The following CD53 variants were observed in gnomAD, a reference collection of about 807,000 sequenced individuals.
CD53 encodes leukocyte surface antigen CD53.
Under a neutral mutation model 27.3 loss-of-function variants are expected in CD53, and 20 were observed. That is an observed-to-expected ratio of 0.73 (90% CI 0.52 to 1.07). The LOEUF is 1.07. Among genes scored for constraint, CD53 ranks in the 50% least tolerant of loss-of-function variants. The pLI, the probability that CD53 is intolerant of heterozygous loss-of-function variation, is 0.00. For missense variants in CD53, 216 were observed against 264.0 expected (o/e 0.82, Z 1.26); for synonymous variants, 106 against 105.3 (o/e 1.01, Z -0.04).
intron 1 of CD53, among the ~76,000 whole-genome samples, chr1:110,879,394 C>T (rs888764872): frequency 6.6e-6 from 1 of 152,224 alleles, no homozygotes; most frequent in African/African-American, 2.4e-5. Context: ...CTAGACCTGT[C>T]TGATTCCAAA....
intron 5 of CD53, among the ~76,000 whole-genome samples, chr1:110,895,354 A>G (rs542848515): frequency 9.2e-5 from 14 of 152,280 alleles, no homozygotes; most frequent in African/African-American, 3.4e-4. Context: ...ATTTTCCAAA[A>G]TTTTACTGAA....
chr1:110,890,374 C>G, intron 1 of CD53, among the ~76,000 whole-genome samples: 1 of 152,146 alleles, frequency 6.6e-6, no homozygotes, highest in East Asian at 1.9e-4. Flanking sequence ...TGAGGCCAGA[C>G]TAGGCAACAT....
chr1:110,878,664 A>G (rs1267285630), intron 1 of CD53, among the ~76,000 whole-genome samples: 3 of 152,160 alleles, frequency 2.0e-5, no homozygotes, highest in Non-Finnish European at 4.4e-5. Flanking sequence ...TTCTAATAAT[A>G]TATATTCTCA....
chr1:110,877,165 C>G (rs969083592), intron 1 of CD53, among the ~76,000 whole-genome samples: 8 of 152,176 alleles, frequency 5.3e-5, no homozygotes, highest in Non-Finnish European at 1.2e-4. Context: ...TGGAACACTT[C>G]CTGAATTTTT....
At chr1:110,890,596 A>C (rs1227772007) in intron 1 of CD53, among the ~76,000 whole-genome samples, 2 of 150,822 alleles carry the variant, frequency 1.3e-5, no homozygotes, top group African/African-American at 5.0e-5. Context: ...AAAGAGAAAG[A>C]GAAAGGAAAG....
chr1:110,898,380 A>G (rs996997552), intron 7 of CD53, among the ~76,000 whole-genome samples: 6 of 17,502 alleles, frequency 3.4e-4, no homozygotes, highest in Non-Finnish European at 1.8e-3. Flanking sequence ...CTGTCTCCAG[A>G]AAAAAAAAAA....
intron 1 of CD53, among the ~76,000 whole-genome samples, chr1:110,877,536 T>A (rs949251688): frequency 6.6e-6 from 1 of 152,182 alleles, no homozygotes; most frequent in African/African-American, 2.4e-5. Flanking sequence ...ACCTCAGCTG[T>A]TATTAGTATC....
chr1:110,896,617 T>G, intron 5 of CD53, 36 bp from the exon 6 acceptor site: 1 of 1,599,230 alleles, frequency 6.3e-7, no homozygotes, highest in Non-Finnish European at 8.6e-7. Context: ...ACTGTTGACT[T>G]TCTAACCATC....
chr1:110,894,503 T>C (rs1254774646), intron 4 of CD53, 102 bp downstream of exon 4: 5 of 921,736 alleles, frequency 5.4e-6, no homozygotes, highest in Admixed American at 3.6e-5. Flanking sequence ...ATAATAGAGA[T>C]AGAAATGAAG....
chr1:110,881,764 A>G (rs1656361221), intron 1 of CD53, among the ~76,000 whole-genome samples: 1 of 152,136 alleles, frequency 6.6e-6, no homozygotes, highest in Admixed American at 6.5e-5. Flanking sequence ...ATCCTCACCA[A>G]CACTTGGTGT....
At chr1:110,874,224 T>G (rs1254031656) in intron 1 of CD53, among the ~76,000 whole-genome samples, 1 of 152,184 alleles carries the variant, frequency 6.6e-6, no homozygotes, top group African/African-American at 2.4e-5. Context: ...GGGCTCTAGA[T>G]TTCCAAGAGG....
chr1:110,889,926 A>G (rs183850175), intron 1 of CD53, among the ~76,000 whole-genome samples: 1 of 152,328 alleles, frequency 6.6e-6, no homozygotes, highest in Admixed American at 6.5e-5. Flanking sequence ...CTGAGGAGTA[A>G]GACAAGAAGA....
intron 6 of CD53, among the ~76,000 whole-genome samples, 189 bp downstream of exon 6, chr1:110,896,922 C>T (rs10494124): frequency 0.074 from 11,273 of 152,264 alleles, 462 homozygotes; most frequent in East Asian, 0.17. Context: ...CTCATTTAGA[C>T]TAGAGACACT....
upstream of CD53, among the ~76,000 whole-genome samples, chr1:110,872,033 G>T (rs112967296): frequency 0.013 from 2,048 of 152,244 alleles, 18 homozygotes; most frequent in Middle Eastern, 0.048. Context: ...TGAAGGAAGC[G>T]GGAGACAGCT....
intron 1 of CD53, among the ~76,000 whole-genome samples, chr1:110,876,945 A>T (rs997466977): frequency 6.6e-6 from 1 of 152,190 alleles, no homozygotes; most frequent in East Asian, 1.9e-4. Flanking sequence ...TTCCCCTAAG[A>T]ATGTTAGTGT....
At chr1:110,885,341 G>A (rs1454496454) in intron 1 of CD53, among the ~76,000 whole-genome samples, 2 of 151,908 alleles carry the variant, frequency 1.3e-5, no homozygotes, top group East Asian at 1.9e-4. Flanking sequence ...ACAAGGTCAG[G>A]AGATCGAGAC....
At chr1:110,877,517 C>A (rs979634875) in intron 1 of CD53, among the ~76,000 whole-genome samples, 1 of 152,176 alleles carries the variant, frequency 6.6e-6, no homozygotes, top group East Asian at 1.9e-4. Context: ...TTAGAAGAGT[C>A]CCTGTCCCAC....
upstream of CD53, chr1:110,873,077 CCTT>C (rs779128580): frequency 6.5e-5 from 10 of 152,714 alleles, no homozygotes; most frequent in South Asian, 2.1e-4. Context: ...CTCACTTCCT[CCTT>C]CTTCTCATCT....
intron 3 of CD53, 26 bp downstream of exon 3, chr1:110,892,559 C>T: frequency 6.3e-7 from 1 of 1,582,432 alleles, no homozygotes; most frequent in Non-Finnish European, 8.7e-7. Context: ...AGATGTGGTG[C>T]CCCAAGTCGG....
Sources: allele counts gnomAD v4.1 joint callset (sites outside exome capture counted in the v4.1 genomes callset), GRCh38; gene constraint gnomAD v4.1.1; transcripts MANE v1.5; gene names NCBI Gene and HGNC (gene_info 2026-07-23, HGNC 2026-07-21).